Variants in AMY2B observed in about 807,000 individuals in gnomAD.
AMY2B encodes the protein amylase alpha 2B.
In AMY2B, 63 loss-of-function variants were observed where a neutral mutation model predicts 59.3. The ratio of observed to expected loss-of-function variants is 1.06; its 90% CI spans 0.87 to 1.31. The LOEUF is 1.31. Among genes scored for constraint, AMY2B ranks in the 50% most tolerant of loss-of-function variants. AMY2B has a pLI of 0.00. For missense variants in AMY2B, 635 were observed against 626.7 expected, an observed-to-expected ratio of 1.01 and a Z score of -0.14; for synonymous variants, 180 against 198.1, an observed-to-expected ratio of 0.91 and a Z score of 0.77.
At chr1:103,570,816 A>G (rs1215728004), upstream of AMY2B, 4 of 440,092 alleles carry the variant, frequency 9.1e-6, no homozygotes, top group Non-Finnish European at 1.8e-5. Context: ...TAAAGCTTGT[A>G]TCTGATATCA....
intron 7 of AMY2B, among the ~76,000 whole-genome samples, chr1:103,577,006 G>A (rs1335068895): frequency 3.3e-5 from 5 of 152,188 alleles, no homozygotes; most frequent in Non-Finnish European, 5.9e-5. Context: ...GAGTCCAGGC[G>A]AGAAGATCAG....
Position 103,573,123 on chromosome 1 carries a change from A to T in AMY2B, c.376A>T (p.Thr126Ser). The change falls in exon 3 of 10, where the codon ACA (threonine) becomes TCA (serine). Residue 126 changes from threonine to serine, a missense_variant. Physicochemically the swap from Thr to Ser is moderately conservative, Grantham distance 58. Coordinates refer to ENST00000684275, the MANE Select transcript of AMY2B (RefSeq NM_001387437.1). ...HMSGNAVSAG[T>S]SSTCGSYFNP... Reference sequence around the variant, plus strand: ...GTCTGGTAATGCTGTGAGTGCAGGAACAAGCAGTACCTGTGGAAGTTACTT... The same window carrying T: ...GTCTGGTAATGCTGTGAGTGCAGGATCAAGCAGTACCTGTGGAAGTTACTT... The T allele has an allele frequency of 6.2e-7, 1 of 1,613,808 alleles. No individual in the cohort carries two copies. Among genetic ancestry groups the T allele is most frequent in the Non-Finnish European group, 8.5e-7 (1 of 1,179,746 alleles).
chr1:103,572,595 G>T (rs1456535010), intron 2 of AMY2B, among the ~76,000 whole-genome samples: 2 of 152,126 alleles, frequency 1.3e-5, no homozygotes, highest in Non-Finnish European at 2.9e-5. Flanking sequence ...TAGGTGACTT[G>T]TATCTCCATC....
upstream of AMY2B, chr1:103,570,166 C>T (rs933042442): frequency 5.8e-5 from 27 of 462,736 alleles, no homozygotes; most frequent in African/African-American, 4.2e-4. Flanking sequence ...CACTGCCGAG[C>T]GGGAGATCAG....
chr1:103,575,855 G>A (rs1179953259), intron 7 of AMY2B: 14 of 240,950 alleles, frequency 5.8e-5, no homozygotes, highest in Non-Finnish European at 1.1e-4. Flanking sequence ...CCTACCTCAG[G>A]GTTAATAGGA....
rs994172772 is a variant in AMY2B, at chr1:103,574,393, A to G, written c.878A>G (p.Lys293Arg). The G allele has an allele frequency of 6.2e-7, 1 of 1,611,360 alleles. No individual in the cohort carries two copies. Among genetic ancestry groups the G allele is most frequent in the South Asian group, 1.1e-5 (1 of 90,982 alleles). The change falls in exon 5 of 10, where the codon AAG (lysine) becomes AGG (arginine). Residue 293 changes from lysine to arginine, a missense_variant and splice_region_variant. Coordinates refer to ENST00000684275, the MANE Select transcript of AMY2B (RefSeq NM_001387437.1). The stretch of plus-strand genomic sequence containing the variant: ...AATGGAGAGAAGATGTCTTACCTAA[A>G]GTAAATAAATACAACTTTTCCCCTG... ...KWNGEKMSYL[K>R]NWGEGWGFMP...
chr1:103,567,905 T>A (rs1651964218), upstream of AMY2B, among the ~76,000 whole-genome samples: 1 of 152,212 alleles, frequency 6.6e-6, no homozygotes, highest in Non-Finnish European at 1.5e-5. Flanking sequence ...TATCTGTTGC[T>A]CTTTCTCTGA....
chr1:103,564,687 A>G (rs1368933409), intron 1 of AMY2B, among the ~76,000 whole-genome samples: 1 of 152,108 alleles, frequency 6.6e-6, no homozygotes, highest in Non-Finnish European at 1.5e-5. Context: ...TAGGGATAGC[A>G]TCTGTTCTGT....
chr1:103,564,679 G>C (rs1162103954), intron 1 of AMY2B, among the ~76,000 whole-genome samples: 1 of 152,084 alleles, frequency 6.6e-6, no homozygotes, highest in Non-Finnish European at 1.5e-5. Flanking sequence ...TAGTTGCTTA[G>C]GGATAGCATC....
intron 1 of AMY2B, among the ~76,000 whole-genome samples, chr1:103,563,096 C>T (rs1350669679): frequency 6.6e-6 from 1 of 151,900 alleles, no homozygotes; most frequent in Non-Finnish European, 1.5e-5. Context: ...ATTCTTGATA[C>T]CGGATATATT....
rs1034483286 is a variant in AMY2B, at chr1:103,577,322, T to C, written c.1102-168T>C. 4.8e-6 allele frequency: 6 copies of C among 1,256,586 alleles called. No homozygotes were observed. The African/African-American group carries it at 7.6e-5, about 16-fold the overall frequency. 77.8% of individuals were successfully genotyped at this position (1,256,586 alleles called of 1,614,324 possible). On this transcript the variant is annotated intron_variant, in intron 7 of 9. Coordinates refer to ENST00000684275, the MANE Select transcript of AMY2B (RefSeq NM_001387437.1). ...AAAAGAGAACCAGAGGATAGAGAGA[T>C]GATGAAGACCCAGTAAAGGGCTATA...
upstream of AMY2B, chr1:103,569,588 T>C (rs1170473653): frequency 2.6e-6 from 1 of 381,854 alleles, no homozygotes; most frequent in South Asian, 2.1e-5. Context: ...TGATTGACAA[T>C]GGCTCCAGCA....
At chr1:103,563,383 T>A (rs1033425743) in intron 1 of AMY2B, among the ~76,000 whole-genome samples, 4 of 152,132 alleles carry the variant, frequency 2.6e-5, no homozygotes, top group African/African-American at 9.6e-5. Flanking sequence ...TAAGGATAAC[T>A]CTTTTAGAAT....
chr1:103,566,016 C>G (rs996416201), intron 2 of AMY2B, among the ~76,000 whole-genome samples: 1 of 152,064 alleles, frequency 6.6e-6, no homozygotes, highest in African/African-American at 2.4e-5. Flanking sequence ...CCCAATATAC[C>G]TTTCCAAATT....
intron 1 of AMY2B, among the ~76,000 whole-genome samples, chr1:103,564,289 G>A (rs1209645585): frequency 7.2e-5 from 11 of 152,002 alleles, no homozygotes; most frequent in South Asian, 2.1e-4. Context: ...TAATAATTGC[G>A]TTTTCACATT....
chr1:103,578,163 G>T (rs72999301), intron 9 of AMY2B, among the ~76,000 whole-genome samples: 15 of 152,242 alleles, frequency 9.9e-5, no homozygotes, highest in African/African-American at 3.1e-4. Context: ...TATGAGGATT[G>T]TGAAATCATT....
rs534314286 is a variant in AMY2B at position 103,571,750 on chromosome 1, A to T, written c.148A>T (p.Lys50Ter). 1.7e-5 allele frequency: 27 copies of T among 1,611,836 alleles called. No individual in the cohort carries two copies. Among genetic ancestry groups the T allele is most frequent in the Non-Finnish European group, 2.3e-5 (27 of 1,179,824 alleles). The change falls in exon 1 of 10, where the codon AAG (lysine) becomes TAG (stop). Residue 50 changes from lysine to a stop codon, truncating the protein, a stop_gained. Coordinates refer to ENST00000684275, the MANE Select transcript of AMY2B (RefSeq NM_001387437.1). LOFTEE classifies it high-confidence loss of function. ...TGAATGTGAGCGATATTTAGCTCCC[A>T]AGGGATTTGGAGGGGTTCAGGTGGG... ...ALECERYLAP[K>*]GFGGVQVSPP...
Position 103,574,144 on chromosome 1 carries a change from A to T in AMY2B, c.745-116A>T, listed in dbSNP as rs897171566. The T allele has an allele frequency of 7.4e-6, 11 of 1,492,406 alleles. No individual in the cohort carries two copies. In the African/African-American group the frequency reaches 1.6e-4, roughly 21 times the overall value. 92.4% of individuals were successfully genotyped at this position (1,492,406 alleles called of 1,614,324 possible). A position where few individuals can be genotyped will look rare whatever the true frequency, so the allele number is the denominator to read the frequency against. Reference sequence around the variant, plus strand: ...GACAAAAAGAAATAATAAATAGCTTAATTTATTAATAAATAACAAATAGCT... The same window carrying T: ...GACAAAAAGAAATAATAAATAGCTTTATTTATTAATAAATAACAAATAGCT... On this transcript the variant is annotated intron_variant, in intron 4 of 9. Transcript: ENST00000684275.
intron 9 of AMY2B, 30 bp from the exon 10 acceptor site, chr1:103,579,281 T>G: frequency 6.2e-7 from 1 of 1,611,612 alleles, no homozygotes; most frequent in Non-Finnish European, 8.5e-7. Context: ...TTCAGTGTAT[T>G]GAAGTTAAAT....
Sources: gnomAD v4.1 joint callset for allele counts (sites outside exome capture counted in the v4.1 genomes callset) on GRCh38, gnomAD v4.1.1 for gene constraint, MANE v1.5 for transcripts, NCBI Gene and HGNC (gene_info 2026-07-23, HGNC 2026-07-21) for gene names.